Variants in VWA8 observed in about 807,000 individuals in gnomAD.
VWA8 encodes the protein von Willebrand factor A domain containing 8, also known as von Willebrand factor A domain-containing protein 8.
Under a neutral mutation model 241.5 loss-of-function variants are expected in VWA8, and 221 were observed. The ratio of observed to expected loss-of-function variants is 0.91; its 90% CI spans 0.82 to 1.02. The LOEUF is 1.02. Ranked by LOEUF, VWA8 falls within the 50% of genes least tolerant of loss-of-function variation. The probability of loss-of-function intolerance (pLI) is 0.00; values close to 1 mark genes in which losing one functional copy is unlikely to be tolerated. For missense variants in VWA8, 2,322 were observed against 2,328.7 expected, an observed-to-expected ratio of 1.00 and a Z score of 0.06; for synonymous variants, 852 against 827.1, an observed-to-expected ratio of 1.03 and a Z score of -0.52.
At chr13:41,601,356 G>A (rs2044519892) in intron 40 of VWA8, among the ~76,000 whole-genome samples, 1 of 152,066 alleles carries the variant, frequency 6.6e-6, no homozygotes, top group Admixed American at 6.6e-5. Flanking sequence ...CACAGTGTGT[G>A]CTACACAATC....
intron 35 of VWA8, among the ~76,000 whole-genome samples, chr13:41,679,152 T>TATAC (rs1418093799): frequency 6.6e-6 from 1 of 152,120 alleles, no homozygotes. Context: ...ATTTCAAAGA[T>TATAC]AGGTATAAGT....
chr13:41,840,688 G>A (rs762851232), intron 12 of VWA8, among the ~76,000 whole-genome samples: 3 of 151,826 alleles, frequency 2.0e-5, no homozygotes, highest in Non-Finnish European at 4.4e-5. Flanking sequence ...GAGGCCAGGA[G>A]GTGGAGGCTG....
In VWA8 at chr13:41,891,513, C is replaced by A; in HGVS notation, c.558G>T (p.Leu186Phe). ...EGLEKAERNV[L>F]PVLNNLLENR... ...TTTCCAGCAAGTTGTTCAAAACAGG[C>A]AAAACATTCCTCTCTGCCTTTTCCA... Residue 186 changes from leucine (L) to phenylalanine (F), a missense_variant, in exon 5 of 45, where the codon TTG (leucine) becomes TTT (phenylalanine). Physicochemically the swap from Leu to Phe is conservative, Grantham distance 22. Transcript: ENST00000379310. The A allele has an allele frequency of 2.5e-6, 4 of 1,614,180 alleles. No individual in the cohort carries two copies. Among genetic ancestry groups the A allele is most frequent in the Non-Finnish European group, 1.7e-6 (2 of 1,180,008 alleles).
At chr13:41,855,762 T>C (rs887688446) in intron 12 of VWA8, among the ~76,000 whole-genome samples, 6 of 152,122 alleles carry the variant, frequency 3.9e-5, no homozygotes. Context: ...CAAATGTGTT[T>C]GTCAAAATGG....
intron 40 of VWA8, among the ~76,000 whole-genome samples, chr13:41,602,369 C>T (rs186755743): frequency 6.8e-4 from 103 of 152,216 alleles, no homozygotes; most frequent in Non-Finnish European, 1.2e-3. Context: ...TTGGGCCGCA[C>T]CTGCCTCGCT....
intron 20 of VWA8, among the ~76,000 whole-genome samples, chr13:41,774,556 A>G (rs1868501194): frequency 6.6e-6 from 1 of 152,232 alleles, no homozygotes; most frequent in African/African-American, 2.4e-5. Context: ...AAGACTCTTT[A>G]TCTCTTTTTC....
At position 41,699,097 on chromosome 13, in the gene VWA8, C is replaced by T; in HGVS notation, c.3538G>A (p.Gly1180Ser). 1 of 1,613,952 alleles carries T rather than the reference C, an allele frequency of 6.2e-7. No individual in the cohort carries two copies. The highest frequency in any genetic ancestry group is 8.5e-7 in the Non-Finnish European group (1 of 1,179,894). ...TVAPLGSPLK[G>S]QVVLHEQQSN... ...TGCTGCTCATGGAGAACCACTTGACCTTTGAGAGGACTTCCCAGCGGTGCC... is the reference window on the plus strand; with the variant it reads ...TGCTGCTCATGGAGAACCACTTGACTTTTGAGAGGACTTCCCAGCGGTGCC... Residue 1180 changes from glycine to serine, a missense_variant, in exon 29 of 45, where the codon GGT (glycine) becomes AGT (serine). Physicochemically the swap from Gly to Ser is moderately conservative, Grantham distance 56. Coordinates refer to ENST00000379310, the MANE Select transcript of VWA8 (RefSeq NM_015058.2).
chr13:41,667,732 A>G (rs934095928), intron 37 of VWA8, among the ~76,000 whole-genome samples: 1 of 152,178 alleles, frequency 6.6e-6, no homozygotes, highest in African/African-American at 2.4e-5. Flanking sequence ...AGTATGAATA[A>G]TATACTTTAA....
intron 13 of VWA8, among the ~76,000 whole-genome samples, chr13:41,832,384 A>G (rs1871510558): frequency 6.6e-6 from 1 of 152,252 alleles, no homozygotes; most frequent in African/African-American, 2.4e-5. Flanking sequence ...GATAGCTAAT[A>G]AAATGGGACT....
chr13:41,792,902 G>C (rs1812427112), intron 17 of VWA8, among the ~76,000 whole-genome samples: 1 of 151,890 alleles, frequency 6.6e-6, no homozygotes, highest in African/African-American at 2.4e-5. Context: ...TCATTGATTT[G>C]GGAGTATAAA....
intron 17 of VWA8, among the ~76,000 whole-genome samples, chr13:41,806,119 T>C (rs1870196363): frequency 6.6e-6 from 1 of 151,228 alleles, no homozygotes; most frequent in South Asian, 2.1e-4. Flanking sequence ...AACTAAACAA[T>C]AGGCTCCTGA....
At chr13:41,729,487 CAG>C (rs779905265) in intron 23 of VWA8, 53 bp downstream of exon 23, 17 of 1,502,130 alleles carry the variant, frequency 1.1e-5, no homozygotes, top group Middle Eastern at 3.8e-4. Flanking sequence ...TGATTTGATA[CAG>C]AGATATAAAC....
chr13:41,567,832 C>T lies in VWA8; in HGVS notation c.*365G>A, dbSNP rs180738909. The T allele has an allele frequency of 9.3e-5, 16 of 172,116 alleles. No individual in the cohort carries two copies. The highest frequency in any genetic ancestry group is 7.2e-4 in the Admixed American group (12 of 16,674). 10.7% of individuals were successfully genotyped at this position (172,116 alleles called of 1,614,324 possible). On this transcript the variant is annotated 3_prime_UTR_variant, in exon 45 of 45. Coordinates refer to ENST00000379310, the MANE Select transcript of VWA8 (RefSeq NM_015058.2). ...CAGTTTGATGGGGTCACTTTTCTAA[C>T]GTGACCAGATGATGTGTTAAGGCAA...
At chr13:41,721,896 A>C (rs563607480) in intron 24 of VWA8, among the ~76,000 whole-genome samples, 1 of 152,206 alleles carries the variant, frequency 6.6e-6, no homozygotes, top group African/African-American at 2.4e-5. Context: ...CTCCCTCCCC[A>C]AAAAGCACTG....
intron 4 of VWA8, among the ~76,000 whole-genome samples, chr13:41,906,797 T>C (rs1237567404): frequency 6.6e-6 from 1 of 152,212 alleles, no homozygotes; most frequent in Admixed American, 6.5e-5. Context: ...TGCATTAATT[T>C]CTGCTGCCAT....
At chr13:41,841,291 A>T (rs1284240443) in intron 12 of VWA8, among the ~76,000 whole-genome samples, 1 of 152,176 alleles carries the variant, frequency 6.6e-6, no homozygotes, top group East Asian at 1.9e-4. Flanking sequence ...AATAAGTCTC[A>T]ATCATCTTCT....
intron 34 of VWA8, among the ~76,000 whole-genome samples, chr13:41,686,090 T>C (rs2045134394): frequency 6.6e-6 from 1 of 152,160 alleles, no homozygotes; most frequent in South Asian, 2.1e-4. Flanking sequence ...CTTTTGCCCA[T>C]AGCAACAGTA....
intron 12 of VWA8, among the ~76,000 whole-genome samples, chr13:41,844,715 G>A (rs764879029): frequency 4.0e-5 from 6 of 151,632 alleles, no homozygotes; most frequent in African/African-American, 7.3e-5. Context: ...TGGATACACC[G>A]ATAACATTCA....
intron 1 of VWA8, among the ~76,000 whole-genome samples, chr13:41,950,517 T>C (rs914630387): frequency 1.3e-5 from 2 of 151,800 alleles, no homozygotes; most frequent in East Asian, 1.9e-4. Flanking sequence ...TACAGGCGCC[T>C]GCCACCATGC....
Sources: gnomAD v4.1 joint callset for allele counts (sites outside exome capture counted in the v4.1 genomes callset) on GRCh38, gnomAD v4.1.1 for gene constraint, MANE v1.5 for transcripts, NCBI Gene and HGNC (gene_info 2026-07-23, HGNC 2026-07-21) for gene names.